GRID1: variants seen among roughly 807,000 people sequenced by gnomAD.
GRID1 encodes glutamate receptor ionotropic, delta-1.
Under a neutral mutation model 98.0 loss-of-function variants are expected in GRID1, and 28 were observed. That is an observed-to-expected ratio of 0.29 (90% CI 0.21 to 0.39). The LOEUF (loss-of-function observed/expected upper bound fraction) is 0.39. Among genes scored for constraint, GRID1 ranks in the 10% least tolerant of loss-of-function variants. The probability of loss-of-function intolerance (pLI) is 1.00; values close to 1 mark genes in which losing one functional copy is unlikely to be tolerated. For synonymous variants in GRID1, 553 were observed against 538.5 expected, an observed-to-expected ratio of 1.03 and a Z score of -0.37; for missense variants, 1,111 against 1,340.5, an observed-to-expected ratio of 0.83 and a Z score of 2.67.
At chr10:86,240,844 T>C (rs1846617089) in intron 2 of GRID1, among the ~76,000 whole-genome samples, 1 of 152,160 alleles carries the variant, frequency 6.6e-6, no homozygotes. Flanking sequence ...CCTCCAGAGA[T>C]AGCAGCATGG....
At chr10:85,787,001 G>A (rs887774499) in intron 8 of GRID1, among the ~76,000 whole-genome samples, 2 of 152,204 alleles carry the variant, frequency 1.3e-5, no homozygotes, top group African/African-American at 4.8e-5. Context: ...GCTTGCCCCA[G>A]GGCTCCCCCT....
At chr10:85,925,166 A>G (rs920018482) in intron 4 of GRID1, among the ~76,000 whole-genome samples, 4 of 152,230 alleles carry the variant, frequency 2.6e-5, no homozygotes, top group African/African-American at 9.6e-5. Flanking sequence ...TCAATGGTCC[A>G]TAATTTCCCT....
At chr10:86,093,747 C>T (rs1432878666) in intron 4 of GRID1, among the ~76,000 whole-genome samples, 1 of 152,138 alleles carries the variant, frequency 6.6e-6, no homozygotes, top group Non-Finnish European at 1.5e-5. Flanking sequence ...GACGGATTCA[C>T]AGCAGAATTC....
intron 4 of GRID1, among the ~76,000 whole-genome samples, chr10:85,940,849 T>C (rs892991469): frequency 2.0e-5 from 3 of 152,176 alleles, no homozygotes; most frequent in Non-Finnish European, 4.4e-5. Context: ...GAAGAAAGCA[T>C]CAGCCAGAAC....
intron 8 of GRID1, among the ~76,000 whole-genome samples, chr10:85,834,936 C>T (rs1842899975): frequency 6.6e-6 from 1 of 151,914 alleles, no homozygotes; most frequent in African/African-American, 2.4e-5. Flanking sequence ...CAACTAAATG[C>T]TGTTTGCAAA....
intron 5 of GRID1, among the ~76,000 whole-genome samples, chr10:85,885,996 AC>A (rs1452450785): frequency 1.3e-5 from 2 of 151,978 alleles, no homozygotes; most frequent in Non-Finnish European, 2.9e-5. Flanking sequence ...TGCTAGGGCA[AC>A]CCCAGGGGGC....
At chr10:86,148,626 A>G (rs1247276636) in intron 3 of GRID1, among the ~76,000 whole-genome samples, 1 of 152,190 alleles carries the variant, frequency 6.6e-6, no homozygotes, top group African/African-American at 2.4e-5. Flanking sequence ...TTCTCACCAC[A>G]AAAAAATAAG....
Position 86,299,839 on chromosome 10 carries a change from TG to T in GRID1, c.235+64101del, listed in dbSNP as rs573499279. ...CTGCAAATGGGACAGACCCACGTGC[TG>T]GAGTTAGTCTTGGGGACACTGAAAT... On this transcript the variant is annotated intron_variant, in intron 2 of 15. Coordinates refer to ENST00000327946, the MANE Select transcript of GRID1 (RefSeq NM_017551.3). Among the ~76,000 whole-genome samples the T allele has an allele frequency of 1.1e-3, 173 of 152,260 alleles. 1 individual carries two copies. The highest frequency in any genetic ancestry group is 3.9e-3 in the African/African-American group (164 of 41,550).
intron 2 of GRID1, among the ~76,000 whole-genome samples, chr10:86,257,168 G>A (rs1017446494): frequency 2.0e-5 from 3 of 152,184 alleles, no homozygotes; most frequent in Non-Finnish European, 4.4e-5. Context: ...ACGCAGAGTT[G>A]GATTTCAATG....
In GRID1 at chr10:85,915,172, T is replaced by C. The variant is rs537822159; in HGVS notation, c.780+1014A>G. Among the ~76,000 whole-genome samples, 16 of 152,138 alleles carry C rather than the reference T, an allele frequency of 1.1e-4. No homozygotes were observed. The South Asian group carries it at 3.3e-3, about 31-fold the overall frequency. ...TACTCCCTTTACATGGGTACACTTA[T>C]CCCTACACGTACTGGTTGCACACAC... On this transcript the variant is annotated intron_variant, in intron 5 of 15. Coordinates refer to ENST00000327946, the MANE Select transcript of GRID1 (RefSeq NM_017551.3).
intron 4 of GRID1, among the ~76,000 whole-genome samples, chr10:85,932,123 G>A (rs1841862251): frequency 6.6e-6 from 1 of 152,234 alleles, no homozygotes; most frequent in Non-Finnish European, 1.5e-5. Context: ...CCTGCCGGCA[G>A]AACCAGGCTC....
chr10:85,633,154 T>C (rs1842994700), intron 13 of GRID1, among the ~76,000 whole-genome samples: 1 of 152,164 alleles, frequency 6.6e-6, no homozygotes, highest in Non-Finnish European at 1.5e-5. Context: ...GGTCTTGAAC[T>C]CCTGACCTCA....
chr10:86,218,710 C>A (rs544592887), intron 2 of GRID1, among the ~76,000 whole-genome samples: 8 of 152,314 alleles, frequency 5.3e-5, no homozygotes, highest in Non-Finnish European at 1.0e-4. Flanking sequence ...CTCCAGGGAC[C>A]TTCTTGTTTA....
chr10:85,973,603 C>T (rs1203305521), intron 4 of GRID1, among the ~76,000 whole-genome samples: 1 of 152,114 alleles, frequency 6.6e-6, no homozygotes, highest in East Asian at 1.9e-4. Flanking sequence ...TCATTATTTG[C>T]TATTTTCTAA....
chr10:86,215,433 C>G (rs916711578), intron 2 of GRID1, among the ~76,000 whole-genome samples: 2 of 152,194 alleles, frequency 1.3e-5, no homozygotes, highest in African/African-American at 4.8e-5. Flanking sequence ...ACAGGGAACA[C>G]TGGGTGGGAT....
At chr10:86,150,909 C>G (rs1376912994) in intron 3 of GRID1, among the ~76,000 whole-genome samples, 1 of 152,192 alleles carries the variant, frequency 6.6e-6, no homozygotes, top group East Asian at 1.9e-4. Flanking sequence ...GACTTCTCAG[C>G]CTCCAGACTG....
intron 5 of GRID1, among the ~76,000 whole-genome samples, chr10:85,880,612 G>A (rs1352946527): frequency 6.6e-6 from 1 of 151,678 alleles, no homozygotes; most frequent in African/African-American, 2.4e-5. Context: ...AGGTATTGAT[G>A]GGACATATCT....
intron 13 of GRID1, among the ~76,000 whole-genome samples, chr10:85,637,970 T>G (rs929993294): frequency 3.9e-5 from 6 of 152,118 alleles, no homozygotes; most frequent in African/African-American, 1.4e-4. Context: ...ACACAACATA[T>G]AAAAATTCAC....
At position 85,854,500 on chromosome 10, in the gene GRID1, C is replaced by A. The variant is rs570660703; in HGVS notation, c.1229G>T (p.Arg410Leu). 6.8e-6 allele frequency: 11 copies of A among 1,613,566 alleles called. No homozygotes were observed. The Admixed American group carries it at 1.0e-4, about 15-fold the overall frequency. Residue 410 changes from arginine (R) to leucine (L), a missense_variant, in exon 8 of 16, where the codon CGC becomes CTC. By Grantham distance (102) the Arg-to-Leu change is moderately radical (BLOSUM62 -2). Coordinates refer to ENST00000327946, the MANE Select transcript of GRID1 (RefSeq NM_017551.3). Reference sequence around the variant, plus strand: ...GACAGGGAGCCTGAGGCTTACCTTGCGCATGTCTTTGCCAAAAGTCTCACT... The same window carrying A: ...GACAGGGAGCCTGAGGCTTACCTTGAGCATGTCTTTGCCAAAAGTCTCACT... Reference protein sequence around the residue: ...TYSETFGKDMRKLATWDSEKG... With the variant: ...TYSETFGKDMLKLATWDSEKG...
Sources: gnomAD v4.1 joint callset for allele counts (sites outside exome capture counted in the v4.1 genomes callset) on GRCh38, gnomAD v4.1.1 for gene constraint, MANE v1.5 for transcripts, NCBI Gene and HGNC (gene_info 2026-07-23, HGNC 2026-07-21) for gene names.